The following TRAPPC9 variants were observed in gnomAD, a reference collection of about 807,000 sequenced individuals.
The protein encoded by TRAPPC9 is IKK2 binding protein.
A neutral mutation model predicts 124.0 loss-of-function variants in TRAPPC9; 83 were observed. The ratio of observed to expected loss-of-function variants is 0.67; its 90% CI spans 0.56 to 0.80. The LOEUF is 0.80. TRAPPC9 is among the 30% of genes least tolerant of loss of function. The pLI, the probability that TRAPPC9 is intolerant of heterozygous loss-of-function variation, is 0.00. For synonymous variants in TRAPPC9, 638 were observed against 617.5 expected (o/e 1.03, Z -0.49); for missense variants, 1,302 against 1,508.3 (o/e 0.86, Z 2.27).
In TRAPPC9 at chr8:139,732,104, G is replaced by A; in HGVS notation, c.3154C>T (p.Pro1052Ser). 6.2e-7 allele frequency: 1 copy of A among 1,606,628 alleles called. No homozygotes were observed. The highest frequency in any genetic ancestry group is 8.5e-7 in the Non-Finnish European group (1 of 1,177,010). Residue 1052 changes from proline to serine, a missense_variant, in exon 22 of 23, where the codon CCG becomes TCG. Physicochemically the swap from Pro to Ser is moderately conservative, Grantham distance 74. This residue lies in a region of TRAPPC9 where 640 missense variants were observed against 679.3 expected (regional missense o/e 0.94). Coordinates refer to ENST00000438773, the MANE Select transcript of TRAPPC9 (RefSeq NM_001160372.4). ...AGGGCGAAGGGCCCTACGCTGCGCG[G>A]GCTCCGGTTGGTCAGCCGCACCTCC... is the stretch of plus-strand genomic sequence containing the variant. ...RLEVRLTNRS[P>S]RSVGPFALTV...
rs184242495 is a variant in TRAPPC9 at position 140,055,690 on chromosome 8, T to C, written c.2557-31611A>G. Among the ~76,000 whole-genome samples the C allele has an allele frequency of 4.6e-5, 7 of 152,326 alleles. No homozygotes were observed. The East Asian group carries it at 1.2e-3, about 25-fold the overall frequency. ...CAGGATGCAACATACAAACATTAGTTACACTTCTAAACACTAACAATGAAC... is the reference window on the plus strand; with the variant it reads ...CAGGATGCAACATACAAACATTAGTCACACTTCTAAACACTAACAATGAAC... On this transcript the variant is annotated intron_variant, in intron 17 of 22. Transcript: ENST00000438773.
At chr8:139,737,478 C>CCCCA (rs1554633750) in intron 21 of TRAPPC9, among the ~76,000 whole-genome samples, 1 of 127,210 alleles carries the variant, frequency 7.9e-6, no homozygotes, top group Non-Finnish European at 1.8e-5. Context: ...CCCCCCCCCC[C>CCCCA]ACGGAAAACC....
intron 19 of TRAPPC9, among the ~76,000 whole-genome samples, chr8:139,958,964 C>CCTGCATTCCGAGTCACACGGGGGAGCA (rs1835188170): frequency 8.9e-5 from 9 of 101,234 alleles, no homozygotes; most frequent in African/African-American, 1.9e-4. Context: ...ACGGGGGAGC[C>CCTGCATTCCGAGTCACACGGGGGAGCA]CTGCATTCCG....
intron 10 of TRAPPC9, among the ~76,000 whole-genome samples, chr8:140,305,462 G>A (rs1342239531): frequency 2.6e-5 from 4 of 152,000 alleles, no homozygotes; most frequent in African/African-American, 7.3e-5. Flanking sequence ...TACCACATCC[G>A]ACTAATTTTT....
chr8:139,779,911 A>G (rs560448302), intron 21 of TRAPPC9, among the ~76,000 whole-genome samples: 30 of 152,162 alleles, frequency 2.0e-4, no homozygotes, highest in Non-Finnish European at 2.9e-4. Context: ...TAAAAACATA[A>G]TATCACTAGC....
At chr8:140,458,238 C>A, upstream of TRAPPC9, 1 of 1,551,114 alleles carries the variant, frequency 6.4e-7, no homozygotes, top group South Asian at 1.2e-5. Flanking sequence ...GCACCTGGGG[C>A]GGCGCAGCTG....
chr8:140,050,894 T>C (rs1841955266), intron 17 of TRAPPC9, among the ~76,000 whole-genome samples: 1 of 152,194 alleles, frequency 6.6e-6, no homozygotes, highest in Admixed American at 6.5e-5. Context: ...CACGTGGCCT[T>C]CTTTCTCAGC....
chr8:139,814,546 C>T (rs1824697831), intron 21 of TRAPPC9, among the ~76,000 whole-genome samples: 1 of 152,182 alleles, frequency 6.6e-6, no homozygotes, highest in African/African-American at 2.4e-5. Context: ...AGTTTTACTT[C>T]CCTAAATTCA....
intron 21 of TRAPPC9, among the ~76,000 whole-genome samples, chr8:139,828,685 A>G (rs1701804797): frequency 6.6e-6 from 1 of 152,202 alleles, no homozygotes; most frequent in South Asian, 2.1e-4. Context: ...TCATCGACAC[A>G]TCATTTTGTT....
chr8:139,784,350 G>C (rs1179674544), intron 21 of TRAPPC9, among the ~76,000 whole-genome samples: 1 of 151,988 alleles, frequency 6.6e-6, no homozygotes, highest in Non-Finnish European at 1.5e-5. Context: ...AAGGCAGGTG[G>C]ATCACCTCAG....
At chr8:140,040,884 A>G (rs962735088) in intron 17 of TRAPPC9, 3 of 152,298 alleles carry the variant, frequency 2.0e-5, no homozygotes, top group African/African-American at 4.8e-5. Context: ...AACAGTCAAG[A>G]GATGACCATG....
At chr8:140,263,651 A>G (rs2064510533) in intron 15 of TRAPPC9, among the ~76,000 whole-genome samples, 2 of 152,198 alleles carry the variant, frequency 1.3e-5, no homozygotes, top group Non-Finnish European at 2.9e-5. Context: ...CAACCAGAAG[A>G]GCCATGGAGT....
chr8:139,888,669 T>G lies in TRAPPC9; in HGVS notation c.2965-2700A>C, dbSNP rs1161598667. On this transcript the variant is annotated intron_variant, in intron 20 of 22. Transcript: ENST00000438773. ...TTCCTGCAAAGATAATTCCCTCCCT[T>G]AGAAGAATTCTCCAAACGAAATTTT... Among the ~76,000 whole-genome samples, 7 of 152,344 alleles carry G rather than the reference T, an allele frequency of 4.6e-5. No individual in the cohort carries two copies. In the East Asian group the frequency reaches 1.3e-3, roughly 29 times the overall value.
At chr8:139,895,135 A>C (rs1252000325) in intron 20 of TRAPPC9, among the ~76,000 whole-genome samples, 1 of 152,182 alleles carries the variant, frequency 6.6e-6, no homozygotes, top group Non-Finnish European at 1.5e-5. Context: ...TCTTTCCTGC[A>C]AAACGACATC....
At chr8:140,066,921 G>A (rs867506649) in intron 17 of TRAPPC9, among the ~76,000 whole-genome samples, 2 of 152,212 alleles carry the variant, frequency 1.3e-5, no homozygotes, top group African/African-American at 2.4e-5. Context: ...TCCTGCATGT[G>A]AAGCCAAGCC....
intron 15 of TRAPPC9, among the ~76,000 whole-genome samples, chr8:140,269,022 G>A (rs1180068426): frequency 6.6e-6 from 1 of 152,114 alleles, no homozygotes; most frequent in Non-Finnish European, 1.5e-5. Context: ...GAACATGTGG[G>A]AATTTTCTGG....
In TRAPPC9 at chr8:140,122,023, TTCTC is replaced by T. The variant is rs533446141; in HGVS notation, c.2557-97948_2557-97945del. Among the ~76,000 whole-genome samples, 165 of 138,504 alleles carry T rather than the reference TTCTC, an allele frequency of 1.2e-3. 1 individual carries two copies. Among genetic ancestry groups the T allele is most frequent in the Middle Eastern group, 3.8e-3 (1 of 260 alleles). 90.9% of individuals were successfully genotyped at this position (138,504 alleles called of 152,430 possible). A position where few individuals can be genotyped will look rare whatever the true frequency, so the allele number is the denominator to read the frequency against. ...GGAGTCCATCTCTTTCTTTCTTTCT[TTCTC>T]TCTCTCTCTCTCTCTCTCTCTCTCC... On this transcript the variant is annotated intron_variant, in intron 17 of 22. Transcript: ENST00000438773.
intron 4 of TRAPPC9, among the ~76,000 whole-genome samples, chr8:140,427,374 C>A (rs1347323039): frequency 7.0e-6 from 1 of 143,848 alleles, no homozygotes; most frequent in South Asian, 2.4e-4. Flanking sequence ...ATATATATCT[C>A]TCTCTCACAC....
chr8:139,888,085 T>C (rs1227857340), intron 20 of TRAPPC9, among the ~76,000 whole-genome samples: 1 of 152,226 alleles, frequency 6.6e-6, no homozygotes, highest in African/African-American at 2.4e-5. Context: ...AGTCCGCACA[T>C]GCTGCTTGCT....
Sources: allele counts gnomAD v4.1 joint callset (sites outside exome capture counted in the v4.1 genomes callset), GRCh38; gene constraint gnomAD v4.1.1; regional missense constraint gnomAD v4.1.1; transcripts MANE v1.5; gene names NCBI Gene and HGNC (gene_info 2026-07-23, HGNC 2026-07-21).